Variants in DPF3 observed in about 807,000 individuals in gnomAD.
The protein encoded by DPF3 is zinc finger protein DPF3.
In DPF3, 18 loss-of-function variants were observed where a neutral mutation model predicts 56.8. That is an observed-to-expected ratio of 0.32 (90% CI 0.22 to 0.47). DPF3 has a LOEUF of 0.47. DPF3 is among the 20% of genes least tolerant of loss of function. DPF3 has a pLI of 1.00. For synonymous variants in DPF3, 188 were observed against 180.2 expected, an observed-to-expected ratio of 1.04 and a Z score of -0.35; for missense variants, 403 against 488.8, an observed-to-expected ratio of 0.82 and a Z score of 1.65.
chr14:72,610,293 A>G lies in DPF3; in HGVS notation c.*9004T>C, dbSNP rs1883644971. On this transcript the variant is annotated 3_prime_UTR_variant, in exon 11 of 11. Transcript: ENST00000556509. ...GCCTGGTGGAGCCTGTGCAGGCCTGAGCTTCCTCGTGGAGCAGCAGGTAGG... is the reference window on the plus strand; with the variant it reads ...GCCTGGTGGAGCCTGTGCAGGCCTGGGCTTCCTCGTGGAGCAGCAGGTAGG... Among the ~76,000 whole-genome samples, 1 of 152,150 alleles carries G rather than the reference A, an allele frequency of 6.6e-6. No homozygotes were observed. Among genetic ancestry groups the G allele is most frequent in the Non-Finnish European group, 1.5e-5 (1 of 68,018 alleles).
chr14:72,885,651 C>A (rs1198255059), intron 1 of DPF3, among the ~76,000 whole-genome samples: 1 of 152,100 alleles, frequency 6.6e-6, no homozygotes, highest in Non-Finnish European at 1.5e-5. Context: ...GATCCTCCTG[C>A]CTCAGCCTCC....
chr14:72,873,923 T>C (rs1299595733), intron 1 of DPF3, among the ~76,000 whole-genome samples: 1 of 132,826 alleles, frequency 7.5e-6, no homozygotes, highest in African/African-American at 2.9e-5. Context: ...GGGCCTGTTG[T>C]GGGGTGGGGG....
chr14:72,756,853 A>G (rs1192826491), intron 2 of DPF3, among the ~76,000 whole-genome samples: 3 of 124,106 alleles, frequency 2.4e-5, no homozygotes, highest in Admixed American at 8.1e-5. Context: ...AGAAAGAAAG[A>G]AAGAAAGAAA....
intron 8 of DPF3, chr14:72,670,769 T>A: frequency 9.8e-7 from 1 of 1,025,422 alleles, no homozygotes; most frequent in Non-Finnish European, 1.2e-6. Context: ...CTTTTGCCAA[T>A]AAATATGAAA....
intron 3 of DPF3, among the ~76,000 whole-genome samples, chr14:72,740,606 G>A (rs1234648603): frequency 6.6e-6 from 1 of 152,208 alleles, no homozygotes; most frequent in Non-Finnish European, 1.5e-5. Context: ...GTGGGCAAAG[G>A]TGTGAAGCCA....
chr14:72,793,866 C>T (rs761258862), intron 1 of DPF3, among the ~76,000 whole-genome samples: 3 of 152,226 alleles, frequency 2.0e-5, no homozygotes, highest in Non-Finnish European at 4.4e-5. Flanking sequence ...AGAGAAAATG[C>T]CTTGCTGGCC....
intron 8 of DPF3, among the ~76,000 whole-genome samples, chr14:72,633,002 T>C (rs1345970899): frequency 6.6e-6 from 1 of 152,132 alleles, no homozygotes; most frequent in Non-Finnish European, 1.5e-5. Context: ...CCAGGAGAGA[T>C]ACAAGAATGA....
chr14:72,886,302 G>T (rs1369590904), intron 1 of DPF3, among the ~76,000 whole-genome samples: 1 of 152,168 alleles, frequency 6.6e-6, no homozygotes, highest in African/African-American at 2.4e-5. Flanking sequence ...AACCTGGGAG[G>T]CGGAGGTTGC....
chr14:72,777,534 C>A (rs1201036582), intron 1 of DPF3, among the ~76,000 whole-genome samples: 1 of 152,170 alleles, frequency 6.6e-6, no homozygotes, highest in Non-Finnish European at 1.5e-5. Flanking sequence ...GGAGATGGAG[C>A]ATTTGGGAGG....
intron 5 of DPF3, among the ~76,000 whole-genome samples, chr14:72,718,771 A>ATTTTCTTTTTTTTT (rs1889042252): frequency 1.1e-5 from 1 of 93,896 alleles, no homozygotes; most frequent in South Asian, 4.0e-4. Flanking sequence ...CACCCTTGCT[A>ATTTTCTTTTTTTTT]TTTTTTTTTT....
At chr14:72,781,641 A>C (rs1445751198) in intron 1 of DPF3, among the ~76,000 whole-genome samples, 1 of 151,206 alleles carries the variant, frequency 6.6e-6, no homozygotes, top group Non-Finnish European at 1.5e-5. Context: ...GGTTGAAGTC[A>C]AGGAGCTGCC....
rs111826335 is a variant in DPF3 at position 72,757,648 on chromosome 14, A to AAT, written c.194-4279_194-4278dup. ...TTTAAAATACAATTTAAAAAAATAC[A>AAT]ATATAATACCTATTTACATAGCATT... is the stretch of plus-strand genomic sequence containing the variant. On this transcript the variant is annotated intron_variant, in intron 2 of 10. Transcript: ENST00000556509. Among the ~76,000 whole-genome samples, 305 of 152,338 alleles carry AAT rather than the reference A, an allele frequency of 2.0e-3. 2 individuals are homozygous for AAT. Among genetic ancestry groups the AAT allele is most frequent in the African/African-American group, 7.1e-3 (296 of 41,576 alleles).
intron 1 of DPF3, among the ~76,000 whole-genome samples, chr14:72,773,123 G>C (rs1473311405): frequency 2.6e-5 from 3 of 115,664 alleles, no homozygotes; most frequent in Admixed American, 2.2e-4. Flanking sequence ...TGGGGTGTTG[G>C]GTTTTTTGGG....
rs1599297332 is a variant in DPF3 at position 72,609,801 on chromosome 14, A to C, written c.*9496T>G. ...GGCCAAATGGAGATATTGTCTCAAGACCATTACACACAGCTTCCCAAATCT... is the reference window on the plus strand; with the variant it reads ...GGCCAAATGGAGATATTGTCTCAAGCCCATTACACACAGCTTCCCAAATCT... On this transcript the variant is annotated 3_prime_UTR_variant, in exon 11 of 11. Transcript: ENST00000556509. 1.3e-5 allele frequency among the ~76,000 whole-genome samples: 2 copies of C among 152,260 alleles called. No homozygotes were observed. Among genetic ancestry groups the C allele is most frequent in the Non-Finnish European group, 2.9e-5 (2 of 68,016 alleles).
At chr14:72,815,616 G>A (rs1398653827) in intron 1 of DPF3, among the ~76,000 whole-genome samples, 1 of 152,246 alleles carries the variant, frequency 6.6e-6, no homozygotes, top group Non-Finnish European at 1.5e-5. Context: ...AAGTTGCCAT[G>A]CAGCCACACA....
chr14:72,696,707 C>G (rs932370627), intron 6 of DPF3, among the ~76,000 whole-genome samples: 1 of 152,218 alleles, frequency 6.6e-6, no homozygotes, highest in Non-Finnish European at 1.5e-5. Flanking sequence ...CCTTCCCCAA[C>G]ATGGTAGAAA....
At chr14:72,892,277 T>C in intron 1 of DPF3, 4 of 1,535,516 alleles carry the variant, frequency 2.6e-6, no homozygotes, top group Non-Finnish European at 3.5e-6. Flanking sequence ...ATCAGCGGTG[T>C]TGCAGCGAAA....
At position 72,611,177 on chromosome 14, in the gene DPF3, C is replaced by A. The variant is rs1028785888; in HGVS notation, c.*8120G>T. On this transcript the variant is annotated 3_prime_UTR_variant, in exon 11 of 11. Transcript: ENST00000556509. ...CACACATGGACAGATACACACCTTC[C>A]CCCAAGCCCAGGCATTTTGCTTGAA... 3.9e-5 allele frequency among the ~76,000 whole-genome samples: 6 copies of A among 152,214 alleles called. No homozygotes were observed. Among genetic ancestry groups the A allele is most frequent in the Non-Finnish European group, 8.8e-5 (6 of 68,036 alleles).
intron 2 of DPF3, among the ~76,000 whole-genome samples, chr14:72,769,678 CAAAAAAAAAAAA>C (rs59586674): frequency 9.4e-5 from 4 of 42,768 alleles, no homozygotes; most frequent in African/African-American, 3.1e-4. Flanking sequence ...GACTCCATCT[CAAAAAAAAAAAA>C]AAAAAAAAAC....
Sources: allele counts gnomAD v4.1 joint callset (sites outside exome capture counted in the v4.1 genomes callset), GRCh38; gene constraint gnomAD v4.1.1; transcripts MANE v1.5; gene names NCBI Gene and HGNC (gene_info 2026-07-23, HGNC 2026-07-21).